Variants in LSAMP observed in about 807,000 individuals in gnomAD.
LSAMP encodes the protein limbic system associated membrane protein, also known as limbic system-associated membrane protein.
Under a neutral mutation model 38.6 loss-of-function variants are expected in LSAMP, and 7 were observed. The ratio of observed to expected loss-of-function variants is 0.18; its 90% CI spans 0.10 to 0.34. The LOEUF (loss-of-function observed/expected upper bound fraction) is 0.34, where lower values mean the gene tolerates loss of function less well. Ranked by LOEUF, LSAMP falls within the 10% of genes least tolerant of loss-of-function variation. The pLI, the probability that LSAMP is intolerant of heterozygous loss-of-function variation, is 1.00. For missense variants in LSAMP, 313 were observed against 420.0 expected, an observed-to-expected ratio of 0.75 and a Z score of 2.23; for synonymous variants, 154 against 166.8, an observed-to-expected ratio of 0.92 and a Z score of 0.59.
chr3:116,297,421 T>C (rs2047351190), intron 1 of LSAMP, among the ~76,000 whole-genome samples: 1 of 152,152 alleles, frequency 6.6e-6, no homozygotes. Context: ...CTAAAGAAAA[T>C]ACTGTATGAT....
At chr3:115,868,892 T>TA (rs915995422) in intron 3 of LSAMP, among the ~76,000 whole-genome samples, 4 of 152,000 alleles carry the variant, frequency 2.6e-5, no homozygotes, top group South Asian at 4.1e-4. Flanking sequence ...GTGCAGACAG[T>TA]AAAAAAACTA....
At chr3:115,976,332 T>C (rs1157416386) in intron 3 of LSAMP, among the ~76,000 whole-genome samples, 1 of 152,002 alleles carries the variant, frequency 6.6e-6, no homozygotes, top group Middle Eastern at 3.4e-3. Flanking sequence ...TTAGGGGAGA[T>C]GGAAAGGAGT....
At chr3:115,867,803 G>T (rs1400895066) in intron 3 of LSAMP, among the ~76,000 whole-genome samples, 1 of 152,140 alleles carries the variant, frequency 6.6e-6, no homozygotes, top group East Asian at 1.9e-4. Flanking sequence ...TTTGCTAAGA[G>T]ACTTCGTTTT....
At chr3:116,253,293 A>G (rs1195885603) in intron 1 of LSAMP, among the ~76,000 whole-genome samples, 1 of 152,196 alleles carries the variant, frequency 6.6e-6, no homozygotes, top group African/African-American at 2.4e-5. Flanking sequence ...GTTGTCACCC[A>G]TGGAACTACA....
intron 2 of LSAMP, among the ~76,000 whole-genome samples, chr3:116,083,579 C>G (rs1707918028): frequency 6.6e-6 from 1 of 152,074 alleles, no homozygotes; most frequent in African/African-American, 2.4e-5. Flanking sequence ...TCAGGTTGGC[C>G]TCACCATTGT....
intron 3 of LSAMP, among the ~76,000 whole-genome samples, chr3:115,990,687 A>G (rs1939641632): frequency 6.6e-6 from 1 of 152,022 alleles, no homozygotes; most frequent in Admixed American, 6.6e-5. Flanking sequence ...TTTGGACTGT[A>G]TCTACCTAAA....
chr3:116,138,470 A>C (rs534958739), intron 1 of LSAMP, among the ~76,000 whole-genome samples: 1 of 152,174 alleles, frequency 6.6e-6, no homozygotes, highest in Non-Finnish European at 1.5e-5. Flanking sequence ...GCAATTTTCT[A>C]AAGATTGACG....
intron 1 of LSAMP, among the ~76,000 whole-genome samples, chr3:116,424,102 G>C (rs2049163149): frequency 1.3e-5 from 2 of 152,136 alleles, no homozygotes. Flanking sequence ...GTGGCCCTTT[G>C]ACTTCAATTA....
intron 1 of LSAMP, among the ~76,000 whole-genome samples, chr3:116,192,986 G>A (rs1710789518): frequency 6.6e-6 from 1 of 152,126 alleles, no homozygotes; most frequent in South Asian, 2.1e-4. Flanking sequence ...GCCAACAACT[G>A]CACTGTAATA....
intron 1 of LSAMP, among the ~76,000 whole-genome samples, chr3:116,384,118 G>C (rs1295834782): frequency 6.6e-6 from 1 of 151,934 alleles, no homozygotes; most frequent in Non-Finnish European, 1.5e-5. Context: ...ATCTCTGCTT[G>C]GCAATGAACA....
intron 3 of LSAMP, among the ~76,000 whole-genome samples, chr3:115,965,874 T>C (rs1278777977): frequency 3.3e-5 from 5 of 152,206 alleles, no homozygotes; most frequent in Non-Finnish European, 7.3e-5. Flanking sequence ...GTGGAAAGTA[T>C]GTAGAGAAAT....
intron 3 of LSAMP, among the ~76,000 whole-genome samples, chr3:115,877,406 T>G (rs1576176166): frequency 6.6e-6 from 1 of 152,128 alleles, no homozygotes; most frequent in Middle Eastern, 3.4e-3. Flanking sequence ...TCAAACCGAG[T>G]CTCAAATACA....
Position 115,842,562 on chromosome 3 carries a change from T to C in LSAMP, c.666A>G (p.Thr222=), listed in dbSNP as rs770996738. The change falls in exon 5 of 7, where the codon ACA becomes ACG. Residue 222 remains threonine, a synonymous_variant. Coordinates refer to ENST00000490035, the MANE Select transcript of LSAMP (RefSeq NM_002338.5). ...KVTVNYPPTI[T]ESKSNEATTG... ...TGGTGGCTTCATTGCTCTTGGATTC[T>C]GTGATAGTGGGAGGATCTGTAGGAA... The C allele has an allele frequency of 1.9e-6, 3 of 1,613,554 alleles. No homozygotes were observed. Among genetic ancestry groups the C allele is most frequent in the Non-Finnish European group, 2.5e-6 (3 of 1,179,612 alleles).
chr3:116,065,011 T>G lies in LSAMP; in HGVS notation c.388+21313A>C, dbSNP rs1178420712. ...ATAATAATCATATTTTTAAAATTATTTACCATGTATGAATTGATTTTGTCA... is the reference window on the plus strand; with the variant it reads ...ATAATAATCATATTTTTAAAATTATGTACCATGTATGAATTGATTTTGTCA... On this transcript the variant is annotated intron_variant, in intron 2 of 6. Transcript: ENST00000490035. Among the ~76,000 whole-genome samples the G allele has an allele frequency of 2.0e-5, 3 of 152,242 alleles. No individual in the cohort carries two copies. In the East Asian group the frequency reaches 5.8e-4, roughly 29 times the overall value.
intron 1 of LSAMP, among the ~76,000 whole-genome samples, chr3:116,141,911 C>T (rs867268819): frequency 6.6e-6 from 1 of 151,994 alleles, no homozygotes; most frequent in Middle Eastern, 3.4e-3. Flanking sequence ...AAAGCAATGC[C>T]AAGCGAGGAA....
chr3:116,126,516 T>TGTA (rs1437473701), intron 1 of LSAMP, among the ~76,000 whole-genome samples: 1 of 152,236 alleles, frequency 6.6e-6, no homozygotes, highest in Admixed American at 6.5e-5. Context: ...AGCACTATGC[T>TGTA]GCCTACTTGC....
intron 1 of LSAMP, among the ~76,000 whole-genome samples, chr3:116,356,632 T>C (rs940954790): frequency 5.9e-5 from 9 of 152,360 alleles, no homozygotes; most frequent in South Asian, 2.1e-4. Context: ...CTTAAGGTGA[T>C]AGAAAACACA....
intron 2 of LSAMP, among the ~76,000 whole-genome samples, chr3:116,031,724 C>A (rs1476130049): frequency 2.0e-5 from 3 of 151,338 alleles, no homozygotes; most frequent in African/African-American, 7.3e-5. Flanking sequence ...TGCTTAAGGG[C>A]CCAGAAGATA....
chr3:116,007,848 G>A (rs1940206438), intron 3 of LSAMP, among the ~76,000 whole-genome samples: 1 of 152,162 alleles, frequency 6.6e-6, no homozygotes, highest in Non-Finnish European at 1.5e-5. Context: ...AGAATCACCT[G>A]AAGGGCATGT....
Sources: gnomAD v4.1 joint callset for allele counts (sites outside exome capture counted in the v4.1 genomes callset) on GRCh38, gnomAD v4.1.1 for gene constraint, MANE v1.5 for transcripts, NCBI Gene and HGNC (gene_info 2026-07-23, HGNC 2026-07-21) for gene names.